ARVCF: variants seen among roughly 807,000 people sequenced by gnomAD.
The protein encoded by ARVCF is ARVCF delta catenin family member.
A neutral mutation model predicts 90.9 loss-of-function variants in ARVCF; 66 were observed. The observed-to-expected ratio is 0.73, with a 90% CI of 0.60 to 0.89. The LOEUF (loss-of-function observed/expected upper bound fraction) is 0.89, where lower values mean the gene tolerates loss of function less well. ARVCF is among the 40% of genes least tolerant of loss of function. The pLI, the probability that ARVCF is intolerant of heterozygous loss-of-function variation, is 0.00. For synonymous variants in ARVCF, 653 were observed against 603.4 expected (o/e 1.08, Z -1.21); for missense variants, 1,469 against 1,382.3 (o/e 1.06, Z -1.00).
chr22:20,006,086 G>A (rs1367704399), intron 2 of ARVCF, among the ~76,000 whole-genome samples: 1 of 152,130 alleles, frequency 6.6e-6, no homozygotes, highest in Non-Finnish European at 1.5e-5. Context: ...AGGAAAAGTA[G>A]AAGCACTTCA....
At chr22:19,987,373 T>TC (rs1445408916) in intron 3 of ARVCF, among the ~76,000 whole-genome samples, 1 of 102,912 alleles carries the variant, frequency 9.7e-6, no homozygotes, top group Non-Finnish European at 1.9e-5. Flanking sequence ...TCGCCCCCTG[T>TC]CCCCCCACTT....
rs566609241 is a variant in ARVCF at position 19,972,865 on chromosome 22, C to T, written c.2551-38G>A. The stretch of plus-strand genomic sequence containing the variant: ...ACACAGACACAGGGTGGGTGAAGCA[C>T]ATGGAGTGGGAATAAGGCAAAGTGA... On this transcript the variant is annotated intron_variant, in intron 15 of 19. Coordinates refer to ENST00000263207, the MANE Select transcript of ARVCF (RefSeq NM_001670.3). 1.9e-6 allele frequency: 3 copies of T among 1,613,670 alleles called. No individual in the cohort carries two copies. The South Asian group carries it at 3.3e-5, about 18-fold the overall frequency.
intron 3 of ARVCF, chr22:19,987,204 G>A: frequency 7.7e-6 from 3 of 391,650 alleles, no homozygotes; most frequent in Non-Finnish European, 1.4e-5. Context: ...CTCGCTCCCC[G>A]CGGGGGCGGA....
intron 19 of ARVCF, 28 bp downstream of exon 19, chr22:19,971,188 G>A: frequency 2.6e-6 from 4 of 1,551,418 alleles, no homozygotes; most frequent in Non-Finnish European, 3.5e-6. Context: ...AGGAACAGGT[G>A]GACGAACAAC....
chr22:19,972,699 G>GT, intron 16 of ARVCF, 38 bp downstream of exon 16: 1 of 1,558,342 alleles, frequency 6.4e-7, no homozygotes, highest in South Asian at 1.2e-5. Flanking sequence ...GGCAGCTGGG[G>GT]TCGCCACCCT....
Position 19,972,715 on chromosome 22 carries a change from C to T in ARVCF, c.2641+22G>A, listed in dbSNP as rs75475026. On this transcript the variant is annotated intron_variant, in intron 16 of 19. Transcript: ENST00000263207. ...GCAGCTGGGGTCGCCACCCTCTAGG[C>T]TCCCTAAGCTCCACCACTCACCAAG... is the stretch of plus-strand genomic sequence containing the variant. 1.8e-3 allele frequency: 2,838 copies of T among 1,588,088 alleles called. 47 individuals are homozygous for T. In the African/African-American group the frequency reaches 0.034, roughly 19 times the overall value.
chr22:19,973,374 G>A (rs1942956881), intron 13 of ARVCF, 57 bp from the exon 14 acceptor site: 4 of 1,524,260 alleles, frequency 2.6e-6, no homozygotes, highest in Non-Finnish European at 3.5e-6. Flanking sequence ...CCAGGAAGGA[G>A]CAGGGATCCC....
intron 9 of ARVCF, 69 bp from the exon 10 acceptor site, chr22:19,976,792 T>C (rs536768776): frequency 2.5e-5 from 38 of 1,529,806 alleles, no homozygotes; most frequent in Non-Finnish European, 3.3e-5. Flanking sequence ...CACCCCCCCA[T>C]GCCCTCCCGG....
At chr22:19,994,823 G>A (rs1375155052) in intron 2 of ARVCF, among the ~76,000 whole-genome samples, 1 of 151,236 alleles carries the variant, frequency 6.6e-6, no homozygotes, top group African/African-American at 2.4e-5. Flanking sequence ...GGATGGATGG[G>A]TGGGTAGGAG....
intron 2 of ARVCF, among the ~76,000 whole-genome samples, chr22:20,003,345 C>G (rs77028464): frequency 0.014 from 2,082 of 152,266 alleles, 25 homozygotes; most frequent in East Asian, 0.053. Flanking sequence ...AGGAACACTT[C>G]CTAATTCATT....
At chr22:19,970,944 G>A (rs1397922555) in intron 19 of ARVCF, among the ~76,000 whole-genome samples, 1 of 152,146 alleles carries the variant, frequency 6.6e-6, no homozygotes, top group Non-Finnish European at 1.5e-5. Context: ...AAGGGCGTTG[G>A]AGGGTATGGT....
intron 3 of ARVCF, among the ~76,000 whole-genome samples, chr22:19,987,987 AGCCAAT>A (rs1163483542): frequency 1.3e-5 from 2 of 152,184 alleles, no homozygotes; most frequent in African/African-American, 2.4e-5. Context: ...ACAAAGGCCA[AGCCAAT>A]GGCTCCAGCA....
intron 3 of ARVCF, among the ~76,000 whole-genome samples, chr22:19,983,066 C>G (rs1039329829): frequency 6.6e-6 from 1 of 152,246 alleles, no homozygotes; most frequent in African/African-American, 2.4e-5. Context: ...ACCTAAGACT[C>G]ACAGCCTGCC....
Position 19,990,782 on chromosome 22 carries a change from T to C in ARVCF, c.13A>G (p.Asn5Asp), listed in dbSNP as rs373005333. 8.3e-5 allele frequency: 130 copies of C among 1,571,854 alleles called. No homozygotes were observed. In the East Asian group the frequency reaches 2.6e-3, roughly 32 times the overall value. MEDC[N>D]VHSAASILAS... The stretch of plus-strand genomic sequence containing the variant: ...AGGATGCTGGCGGCCGAGTGCACAT[T>C]GCAGTCCTCCATGACCAGAGCGCCC... Residue 5 changes from asparagine (N) to aspartate (D), a missense_variant, in exon 3 of 20, where the codon AAT (asparagine) becomes GAT (aspartate). Physicochemically the swap from Asn to Asp is conservative, Grantham distance 23. Coordinates refer to ENST00000263207, the MANE Select transcript of ARVCF (RefSeq NM_001670.3).
chr22:19,987,674 G>C (rs1255444711), intron 3 of ARVCF, among the ~76,000 whole-genome samples: 1 of 152,038 alleles, frequency 6.6e-6, no homozygotes, highest in African/African-American at 2.4e-5. Context: ...AGTAGTCACG[G>C]CTCTGTGAGA....
At chr22:19,972,296 C>G (rs951486750) in intron 17 of ARVCF, 62 bp downstream of exon 17, 1 of 1,607,638 alleles carries the variant, frequency 6.2e-7, no homozygotes, top group Non-Finnish European at 8.5e-7. Context: ...AACCAGCAGG[C>G]CCACTTCAGG....
downstream of ARVCF, among the ~76,000 whole-genome samples, chr22:19,967,979 C>G (rs1005519150): frequency 4.6e-5 from 7 of 152,204 alleles, no homozygotes; most frequent in Non-Finnish European, 7.3e-5. Flanking sequence ...CTGTGTCCTC[C>G]CAGGGCCCAG....
chr22:19,987,275 G>A (rs1394373702), intron 3 of ARVCF: 2 of 296,450 alleles, frequency 6.7e-6, no homozygotes, highest in Non-Finnish European at 1.2e-5. Context: ...GGGGCGTGGC[G>A]GGGGCCGGGG....
rs369284711 is a variant in ARVCF at position 20,013,927 on chromosome 22, C to T, written c.-73+2662G>A. On this transcript the variant is annotated intron_variant, in intron 1 of 19. Coordinates refer to ENST00000263207, the MANE Select transcript of ARVCF (RefSeq NM_001670.3). ...TCACCCTGTCACCCAGGCTGGAGTG[C>T]GATGGCACAATCTTGGCTCACTGCA... is the stretch of plus-strand genomic sequence containing the variant. 1.1e-3 allele frequency among the ~76,000 whole-genome samples: 160 copies of T among 152,206 alleles called. 2 individuals carry two copies. In the South Asian group the frequency reaches 0.032, roughly 30 times the overall value.
Sources: allele counts gnomAD v4.1 joint callset (sites outside exome capture counted in the v4.1 genomes callset), GRCh38; gene constraint gnomAD v4.1.1; transcripts MANE v1.5; gene names NCBI Gene and HGNC (gene_info 2026-07-23, HGNC 2026-07-21).